Variants in OR2AE1 observed in about 807,000 individuals in gnomAD.
OR2AE1 encodes olfactory receptor family 2 subfamily AE member 1.
For synonymous variants in OR2AE1, 159 were observed against 153.6 expected (o/e 1.04, Z -0.26); for missense variants, 400 against 395.6 (o/e 1.01, Z -0.09).
Position 99,876,541 on chromosome 7 carries a change from G to A in OR2AE1, c.493C>T (p.His165Tyr). ...TTCCGAGGCCCACAGAAAGGGAAGT[G>A]CATCAAGATCGCCATGTGAATTAGG... ...NSLIHMAILM[H>Y]FPFCGPRKVY... Residue 165 changes from histidine (H) to tyrosine (Y), a missense_variant, in exon 1 of 1, where the codon CAC becomes TAC. By Grantham distance (83) the His-to-Tyr change is moderately conservative. Coordinates refer to ENST00000316368, the MANE Select transcript of OR2AE1 (RefSeq NM_001005276.1). 1 of 1,614,156 alleles carries A rather than the reference G, an allele frequency of 6.2e-7. No homozygotes were observed. Among genetic ancestry groups the A allele is most frequent in the Non-Finnish European group, 8.5e-7 (1 of 1,180,040 alleles).
chr7:99,876,991 C>G lies in OR2AE1; in HGVS notation c.43G>C (p.Glu15Gln), dbSNP rs759317133. ...GTAAGGGAGTCATCGAAGAGCCCCT[C>G]AAGGATGAAGTCTGCCAGAGAGGTC... ...NQTSLADFIL[E>Q]GLFDDSLTHL... is the part of the protein sequence containing the mutation. The change falls in exon 1 of 1, where the codon GAG becomes CAG. Residue 15 changes from glutamate (E) to glutamine (Q), a missense_variant. Coordinates refer to ENST00000316368, the MANE Select transcript of OR2AE1 (RefSeq NM_001005276.1). 6.2e-7 allele frequency: 1 copy of G among 1,613,666 alleles called. No individual in the cohort carries two copies. The highest frequency in any genetic ancestry group is 1.7e-5 in the Admixed American group (1 of 59,986).
Position 99,876,623 on chromosome 7 carries a change from G to A in OR2AE1, c.411C>T (p.Asn137=), listed in dbSNP as rs1032472420. 1.9e-6 allele frequency: 3 copies of A among 1,613,898 alleles called. No homozygotes were observed. Among genetic ancestry groups the A allele is most frequent in the Non-Finnish European group, 2.5e-6 (3 of 1,180,036 alleles). Residue 137 remains asparagine, a synonymous_variant, in exon 1 of 1, where the codon AAC becomes AAT. Coordinates refer to ENST00000316368, the MANE Select transcript of OR2AE1 (RefSeq NM_001005276.1). ...CAGCCATCATCAGTCCCACCTTCTT[G>A]TTCATGAGCACAGCATAGCGCAGTG... The part of the protein sequence containing the change: ...CHPLRYAVLM[N]KKVGLMMAVM...
chr7:99,876,719 C>G lies in OR2AE1; in HGVS notation c.315G>C (p.Leu105Phe). 1 of 1,613,998 alleles carries G rather than the reference C, an allele frequency of 6.2e-7. No homozygotes were observed. The highest frequency in any genetic ancestry group is 8.5e-7 in the Non-Finnish European group (1 of 1,179,978). Reference protein sequence around the residue: ...VGCATQHFLYLCLGGAECFLL... With the variant: ...VGCATQHFLYFCLGGAECFLL... The stretch of plus-strand genomic sequence containing the variant: ...GAAAACATTCAGCACCACCTAGACA[C>G]AAATAGAGGAAGTGCTGGGTTGCAC... The change falls in exon 1 of 1, where the codon TTG becomes TTC. Residue 105 changes from leucine to phenylalanine, a missense_variant. Physicochemically the swap from Leu to Phe is conservative, Grantham distance 22 (BLOSUM62 0). Transcript: ENST00000316368.
Position 99,876,248 on chromosome 7 carries a change from C to T in OR2AE1, c.786G>A (p.Arg262=), listed in dbSNP as rs1241061641. The T allele has an allele frequency of 2.5e-6, 4 of 1,614,002 alleles. No homozygotes were observed. Among genetic ancestry groups the T allele is most frequent in the East Asian group, 2.2e-5 (1 of 44,902 alleles). ...TGTTCTGCAATAGAGTGCACTGGGA[C>T]CTGGGTCTCATGTAGGAGAAGATGC... ...GACIFSYMRP[R]SQCTLLQNKV... Residue 262 remains arginine, a synonymous_variant, in exon 1 of 1, where the codon AGG becomes AGA. Transcript: ENST00000316368.
Position 99,876,457 on chromosome 7 carries a change from T to A in OR2AE1, c.577A>T (p.Thr193Ser). 1 of 1,614,118 alleles carries A rather than the reference T, an allele frequency of 6.2e-7. No homozygotes were observed. The highest frequency in any genetic ancestry group is 8.5e-7 in the Non-Finnish European group (1 of 1,180,022). ...AVVKLVCGDI[T>S]VYETTVYISS... is the part of the protein sequence containing the mutation. Reference sequence around the variant, plus strand: ...ATGTACACTGTGGTCTCATACACAGTGATGTCGCCACATACCAACTTCACA... The same window carrying A: ...ATGTACACTGTGGTCTCATACACAGAGATGTCGCCACATACCAACTTCACA... The change falls in exon 1 of 1, where the codon ACT becomes TCT. Residue 193 changes from threonine to serine, a missense_variant. Coordinates refer to ENST00000316368, the MANE Select transcript of OR2AE1 (RefSeq NM_001005276.1).
At position 99,876,716 on chromosome 7, in the gene OR2AE1, A is replaced by G; in HGVS notation, c.318T>C (p.Cys106=). 1 of 1,614,154 alleles carries G rather than the reference A, an allele frequency of 6.2e-7. No individual in the cohort carries two copies. Residue 106 remains cysteine (C), a synonymous_variant, in exon 1 of 1, where the codon TGT becomes TGC. Transcript: ENST00000316368. The part of the protein sequence containing the change: ...GCATQHFLYL[C]LGGAECFLLA... ...AGAGAAAACATTCAGCACCACCTAGACACAAATAGAGGAAGTGCTGGGTTG... is the reference window on the plus strand; with the variant it reads ...AGAGAAAACATTCAGCACCACCTAGGCACAAATAGAGGAAGTGCTGGGTTG...
At position 99,876,623 on chromosome 7, in the gene OR2AE1, G is replaced by T; in HGVS notation, c.411C>A (p.Asn137Lys). 1 of 1,614,016 alleles carries T rather than the reference G, an allele frequency of 6.2e-7. No individual in the cohort carries two copies. The highest frequency in any genetic ancestry group is 1.1e-5 in the South Asian group (1 of 91,068). ...CHPLRYAVLM[N>K]KKVGLMMAVM... ...CAGCCATCATCAGTCCCACCTTCTT[G>T]TTCATGAGCACAGCATAGCGCAGTG... is the stretch of plus-strand genomic sequence containing the variant. The change falls in exon 1 of 1, where the codon AAC becomes AAA. Residue 137 changes from asparagine (N) to lysine (K), a missense_variant. Physicochemically the swap from Asn to Lys is moderately conservative, Grantham distance 94 (BLOSUM62 0). Transcript: ENST00000316368.
Position 99,876,592 on chromosome 7 carries a change from A to G in OR2AE1, c.442T>C (p.Ser148Pro). 6.2e-7 allele frequency: 1 copy of G among 1,614,030 alleles called. No homozygotes were observed. Among genetic ancestry groups the G allele is most frequent in the Non-Finnish European group, 8.5e-7 (1 of 1,180,032 alleles). ...KKVGLMMAVM[S>P]WLGASVNSLI... ...GAGTTCACGGATGCCCCCAACCATG[A>G]CATGACAGCCATCATCAGTCCCACC... Residue 148 changes from serine (S) to proline (P), a missense_variant, in exon 1 of 1, where the codon TCA (serine) becomes CCA (proline). By Grantham distance (74) the Ser-to-Pro change is moderately conservative. Transcript: ENST00000316368.
In OR2AE1 at chr7:99,876,211, C is replaced by T. The variant is rs1259119847; in HGVS notation, c.823G>A (p.Val275Met). 1 of 1,614,172 alleles carries T rather than the reference C, an allele frequency of 6.2e-7. No homozygotes were observed. Among genetic ancestry groups the T allele is most frequent in the Non-Finnish European group, 8.5e-7 (1 of 1,179,992 alleles). The part of the protein sequence containing the change: ...CTLLQNKVGS[V>M]FYSIITPTLN... ...GTGGGCGTAATGATGCTGTAGAACA[C>T]AGAACCAACTTTGTTCTGCAATAGA... The change falls in exon 1 of 1, where the codon GTG (valine) becomes ATG (methionine). Residue 275 changes from valine (V) to methionine (M), a missense_variant. Val to Met is a conservative substitution (Grantham distance 21). Coordinates refer to ENST00000316368, the MANE Select transcript of OR2AE1 (RefSeq NM_001005276.1).
At position 99,876,833 on chromosome 7, in the gene OR2AE1, G is replaced by A. The variant is rs142920412; in HGVS notation, c.201C>T (p.Ser67=). 1.5e-4 allele frequency: 248 copies of A among 1,613,952 alleles called. No homozygotes were observed. The highest frequency in any genetic ancestry group is 2.0e-4 in the Non-Finnish European group (233 of 1,179,980). Residue 67 remains serine, a synonymous_variant, in exon 1 of 1, where the codon TCC becomes TCT. Coordinates refer to ENST00000316368, the MANE Select transcript of OR2AE1 (RefSeq NM_001005276.1). ...TPMYFLLSQL[S]LMDLMHVSTI... ...TGGAGACATGCATCAGATCCATGAG[G>A]GAGAGCTGGCTGAGCAGGAAATACA...
In OR2AE1 at chr7:99,876,586, A is replaced by T; in HGVS notation, c.448T>A (p.Leu150Met). 1 of 1,614,010 alleles carries T rather than the reference A, an allele frequency of 6.2e-7. No homozygotes were observed. Among genetic ancestry groups the T allele is most frequent in the Non-Finnish European group, 8.5e-7 (1 of 1,180,018 alleles). ...ATTAGGGAGTTCACGGATGCCCCCA[A>T]CCATGACATGACAGCCATCATCAGT... ...VGLMMAVMSW[L>M]GASVNSLIHM... The change falls in exon 1 of 1, where the codon TTG (leucine) becomes ATG (methionine). Residue 150 changes from leucine to methionine, a missense_variant. Leu to Met is a conservative substitution (Grantham distance 15). Coordinates refer to ENST00000316368, the MANE Select transcript of OR2AE1 (RefSeq NM_001005276.1).
rs746255355 is a variant in OR2AE1, at chr7:99,876,383, A to G, written c.651T>C (p.Tyr217=). 1.9e-6 allele frequency: 3 copies of G among 1,614,232 alleles called. No individual in the cohort carries two copies. The East Asian group carries it at 6.7e-5, about 36-fold the overall frequency. Reference sequence around the variant, plus strand: ...GAATGACACTTTGAAGGATGAAGACATAGGATGTAGAAATCAGGAAGATGG... The same window carrying G: ...GAATGACACTTTGAAGGATGAAGACGTAGGATGTAGAAATCAGGAAGATGG... ...LLPIFLISTS[Y]VFILQSVIQM... is the part of the protein sequence containing the mutation. The change falls in exon 1 of 1, where the codon TAT becomes TAC. Residue 217 remains tyrosine, a synonymous_variant. Coordinates refer to ENST00000316368, the MANE Select transcript of OR2AE1 (RefSeq NM_001005276.1).
rs747116672 is a variant in OR2AE1, at chr7:99,876,115, C to G, written c.919G>C (p.Asp307His). The stretch of plus-strand genomic sequence containing the variant: ...CGTTGAATGCACTGGGTGATAACAT[C>G]TCTCCTCAGCACTCTTCTCAGAGCC... ...AKALRRVLRR[D>H]VITQCIQRLQ... The change falls in exon 1 of 1, where the codon GAT becomes CAT. Residue 307 changes from aspartate (D) to histidine (H), a missense_variant. Coordinates refer to ENST00000316368, the MANE Select transcript of OR2AE1 (RefSeq NM_001005276.1). The G allele has an allele frequency of 1.2e-6, 2 of 1,611,970 alleles. No individual in the cohort carries two copies. Among genetic ancestry groups the G allele is most frequent in the Non-Finnish European group, 1.7e-6 (2 of 1,179,230 alleles).
In OR2AE1 at chr7:99,876,944, C is replaced by G. The variant is rs776116769; in HGVS notation, c.90G>C (p.Leu30Phe). The G allele has an allele frequency of 6.2e-7, 1 of 1,613,976 alleles. No homozygotes were observed. Among genetic ancestry groups the G allele is most frequent in the East Asian group, 2.2e-5 (1 of 44,868 alleles). ...CCGCAATAAGGAAGACCACCATGGTCAAGGAGAAAAGGAAAAGGTGGGTAA... is the reference window on the plus strand; with the variant it reads ...CCGCAATAAGGAAGACCACCATGGTGAAGGAGAAAAGGAAAAGGTGGGTAA... Reference protein sequence around the residue: ...DSLTHLFLFSLTMVVFLIAVS... With the variant: ...DSLTHLFLFSFTMVVFLIAVS... Residue 30 changes from leucine (L) to phenylalanine (F), a missense_variant, in exon 1 of 1, where the codon TTG becomes TTC. Transcript: ENST00000316368.
Position 99,876,773 on chromosome 7 carries a change from A to T in OR2AE1, c.261T>A (p.Ser87=). 1 of 1,614,114 alleles carries T rather than the reference A, an allele frequency of 6.2e-7. No homozygotes were observed. Among genetic ancestry groups the T allele is most frequent in the Non-Finnish European group, 8.5e-7 (1 of 1,180,012 alleles). Residue 87 remains serine (S), a synonymous_variant, in exon 1 of 1, where the codon TCT becomes TCA. Coordinates refer to ENST00000316368, the MANE Select transcript of OR2AE1 (RefSeq NM_001005276.1). ...IILKMATNYL[S]GKKSISFVGC... ...CCACAAAGGAGATAGATTTCTTGCC[A>T]GATAGGTAGTTGGTAGCCATCTTCA...
In OR2AE1 at chr7:99,876,102, T is replaced by C. The variant is rs750713249; in HGVS notation, c.932A>G (p.Gln311Arg). 1.9e-6 allele frequency: 3 copies of C among 1,609,324 alleles called. No individual in the cohort carries two copies. In the East Asian group the frequency reaches 6.7e-5, roughly 36 times the overall value. ...CCACAATTGCAGTCGTTGAATGCAC[T>C]GGGTGATAACATCTCTCCTCAGCAC... ...RRVLRRDVIT[Q>R]CIQRLQLWLP... The change falls in exon 1 of 1, where the codon CAG becomes CGG. Residue 311 changes from glutamine (Q) to arginine (R), a missense_variant. Physicochemically the swap from Gln to Arg is conservative, Grantham distance 43. Coordinates refer to ENST00000316368, the MANE Select transcript of OR2AE1 (RefSeq NM_001005276.1).
At position 99,876,632 on chromosome 7, in the gene OR2AE1, C is replaced by T. The variant is rs1409366929; in HGVS notation, c.402G>A (p.Val134=). 2.5e-6 allele frequency: 4 copies of T among 1,613,900 alleles called. No homozygotes were observed. The highest frequency in any genetic ancestry group is 2.5e-6 in the Non-Finnish European group (3 of 1,180,044). ...VAICHPLRYA[V]LMNKKVGLMM... ...TCAGTCCCACCTTCTTGTTCATGAGCACAGCATAGCGCAGTGGATGACAGA... is the reference window on the plus strand; with the variant it reads ...TCAGTCCCACCTTCTTGTTCATGAGTACAGCATAGCGCAGTGGATGACAGA... Residue 134 remains valine, a synonymous_variant, in exon 1 of 1, where the codon GTG becomes GTA. Transcript: ENST00000316368.
In OR2AE1 at chr7:99,876,669, C is replaced by T. The variant is rs201739836; in HGVS notation, c.365G>A (p.Arg122His). The T allele has an allele frequency of 2.9e-4, 460 of 1,613,948 alleles. No homozygotes were observed. The highest frequency in any genetic ancestry group is 3.1e-4 in the East Asian group (14 of 44,904). The change falls in exon 1 of 1, where the codon CGC (arginine) becomes CAC (histidine). Residue 122 changes from arginine (R) to histidine (H), a missense_variant. Physicochemically the swap from Arg to His is conservative, Grantham distance 29. Transcript: ENST00000316368. ...CAGTGGATGACAGATGGCAACATAGCGGTCATAGGACATGACAGCTAAGAG... is the reference window on the plus strand; with the variant it reads ...CAGTGGATGACAGATGGCAACATAGTGGTCATAGGACATGACAGCTAAGAG... ...CFLLAVMSYD[R>H]YVAICHPLRY... is the part of the protein sequence containing the mutation.
Position 99,876,335 on chromosome 7 carries a change from C to A in OR2AE1, c.699G>T (p.Lys233Asn), listed in dbSNP as rs761655577. 2.5e-6 allele frequency: 4 copies of A among 1,614,124 alleles called. No individual in the cohort carries two copies. The highest frequency in any genetic ancestry group is 3.4e-6 in the Non-Finnish European group (4 of 1,180,054). The change falls in exon 1 of 1, where the codon AAG (lysine) becomes AAT (asparagine). Residue 233 changes from lysine (K) to asparagine (N), a missense_variant. By Grantham distance (94) the Lys-to-Asn change is moderately conservative. Coordinates refer to ENST00000316368, the MANE Select transcript of OR2AE1 (RefSeq NM_001005276.1). ...SVIQMRSSGSKRNAFATCGSH... is the reference protein window; with the variant it reads ...SVIQMRSSGSNRNAFATCGSH... ...AGCCACAAGTGGCAAAGGCATTTCT[C>A]TTGCTCCCAGATGAGCGCATCTGAA...
Sources: allele counts gnomAD v4.1 joint callset, GRCh38; gene constraint gnomAD v4.1.1; transcripts MANE v1.5; gene names NCBI Gene and HGNC (gene_info 2026-07-23, HGNC 2026-07-21).